MCCC1: variants seen among roughly 807,000 people sequenced by gnomAD.
MCCC1 encodes methylcrotonoyl-CoA carboxylase subunit alpha, mitochondrial.
MCCC1 carries 64 observed loss-of-function variants against 83.8 expected under a neutral mutation model. That is an observed-to-expected ratio of 0.76 (90% CI 0.62 to 0.94). The LOEUF (loss-of-function observed/expected upper bound fraction) is 0.94, where lower values mean the gene tolerates loss of function less well. Ranked by LOEUF, MCCC1 falls within the 40% of genes least tolerant of loss-of-function variation. The pLI, the probability that MCCC1 is intolerant of heterozygous loss-of-function variation, is 0.00. For synonymous variants in MCCC1, 322 were observed against 315.4 expected, an observed-to-expected ratio of 1.02 and a Z score of -0.22; for missense variants, 807 against 904.7, an observed-to-expected ratio of 0.89 and a Z score of 1.39.
At chr3:183,102,472 A>G (rs1560294496), upstream of MCCC1, among the ~76,000 whole-genome samples, 1 of 152,208 alleles carries the variant, frequency 6.6e-6, no homozygotes, top group Non-Finnish European at 1.5e-5. Flanking sequence ...TTCACTATTA[A>G]GAAATCAATT....
At chr3:183,097,506 C>T (rs973135756) in intron 1 of MCCC1, among the ~76,000 whole-genome samples, 3 of 152,214 alleles carry the variant, frequency 2.0e-5, no homozygotes, top group Non-Finnish European at 4.4e-5. Flanking sequence ...CGTCCTCGCC[C>T]TCCTCATCCT....
intron 10 of MCCC1, among the ~76,000 whole-genome samples, chr3:183,042,988 C>T (rs973719484): frequency 1.3e-5 from 2 of 152,154 alleles, no homozygotes; most frequent in East Asian, 3.9e-4. Flanking sequence ...AGTTTTTTAA[C>T]GTTTTAATAA....
At chr3:183,049,588 A>T (rs1160242722) in intron 9 of MCCC1, among the ~76,000 whole-genome samples, 1 of 151,872 alleles carries the variant, frequency 6.6e-6, no homozygotes, top group Non-Finnish European at 1.5e-5. Context: ...AAAAAAAGAA[A>T]AAAGAAAAGA....
intron 2 of MCCC1, among the ~76,000 whole-genome samples, chr3:183,093,154 G>A (rs969256653): frequency 1.3e-5 from 2 of 152,020 alleles, no homozygotes; most frequent in African/African-American, 2.4e-5. Context: ...TTGGCCTCCC[G>A]AAGTGCTGGG....
intron 3 of MCCC1, among the ~76,000 whole-genome samples, chr3:183,088,464 C>CG (rs980162929): frequency 5.3e-5 from 8 of 152,154 alleles, no homozygotes; most frequent in African/African-American, 1.9e-4. Context: ...GCCTGGGCCT[C>CG]TCAAAGTGCT....
chr3:183,084,923 T>C (rs574273289), intron 4 of MCCC1, among the ~76,000 whole-genome samples: 17 of 152,202 alleles, frequency 1.1e-4, no homozygotes, highest in African/African-American at 3.9e-4. Context: ...TTGAGGACTA[T>C]GTACAAGCTC....
intron 2 of MCCC1, 73 bp downstream of exon 2, chr3:183,094,486 A>ATTAAACATTTCCCTTTC (rs1195994382): frequency 7.1e-7 from 1 of 1,417,442 alleles, no homozygotes; most frequent in African/African-American, 1.4e-5. Context: ...ATATTAAGGG[A>ATTAAACATTTCCCTTTC]TTAAACATTT....
chr3:183,098,293 TC>T (rs1228695116), intron 1 of MCCC1, among the ~76,000 whole-genome samples: 1 of 152,260 alleles, frequency 6.6e-6, no homozygotes, highest in African/African-American at 2.4e-5. Flanking sequence ...AAAAAGGGCA[TC>T]TACAATATTT....
At chr3:183,094,642 G>C (rs371015665) in intron 1 of MCCC1, 37 bp from the exon 2 acceptor site, 1 of 1,584,586 alleles carries the variant, frequency 6.3e-7, no homozygotes, top group Non-Finnish European at 8.7e-7. Context: ...CAATTAAACA[G>C]AATAGGCAAC....
intron 9 of MCCC1, among the ~76,000 whole-genome samples, chr3:183,048,976 TAAAC>T (rs1455267462): frequency 6.6e-6 from 1 of 152,188 alleles, no homozygotes; most frequent in Non-Finnish European, 1.5e-5. Context: ...ATTTGGATGT[TAAAC>T]AACACACTTC....
chr3:183,112,389 T>C (rs1719513002), intron 1 of MCCC1, among the ~76,000 whole-genome samples: 1 of 152,168 alleles, frequency 6.6e-6, no homozygotes, highest in South Asian at 2.1e-4. Context: ...GCTCTACCAT[T>C]TTCAGCAAGT....
chr3:183,019,582 G>A (rs1424147649), intron 17 of MCCC1, among the ~76,000 whole-genome samples: 3 of 152,246 alleles, frequency 2.0e-5, no homozygotes, highest in East Asian at 3.9e-4. Context: ...CTCTAGAATC[G>A]TGAGAAATAA....
At chr3:183,025,156 G>A (rs999747722) in intron 15 of MCCC1, among the ~76,000 whole-genome samples, 2 of 152,198 alleles carry the variant, frequency 1.3e-5, no homozygotes, top group Non-Finnish European at 1.5e-5. Context: ...AAGAAGGAAC[G>A]GAGTGTTAAC....
rs530323937 is a variant in MCCC1 at position 183,066,363 on chromosome 3, G to A, written c.761+4636C>T. On this transcript the variant is annotated intron_variant, in intron 7 of 18. Transcript: ENST00000265594. Reference sequence around the variant, plus strand: ...TCTGTCGCCCAAGCTGGAGTGCAGTGGCACAATCTCAGTTCACTGCAACCT... The same window carrying A: ...TCTGTCGCCCAAGCTGGAGTGCAGTAGCACAATCTCAGTTCACTGCAACCT... 6.6e-5 allele frequency among the ~76,000 whole-genome samples: 10 copies of A among 152,280 alleles called. No individual in the cohort carries two copies. The South Asian group carries it at 1.9e-3, about 28-fold the overall frequency.
chr3:183,109,191 C>A (rs2108585837), intron 1 of MCCC1, among the ~76,000 whole-genome samples: 1 of 152,170 alleles, frequency 6.6e-6, no homozygotes, highest in Middle Eastern at 3.4e-3. Flanking sequence ...GGGGTTTCAC[C>A]ATGTTGCCCA....
intron 8 of MCCC1, among the ~76,000 whole-genome samples, chr3:183,054,261 C>T (rs1490582793): frequency 1.3e-5 from 2 of 150,400 alleles, no homozygotes; most frequent in Non-Finnish European, 3.0e-5. Flanking sequence ...TCTCGGCTCA[C>T]TGCAAGCTCC....
rs57347018 is a variant in MCCC1, at chr3:183,099,310, C to T, written c.89+42G>A. ...CGCTCACGCGGGTCCGTGCACCCCTCGCTCCCGCCTCTGCCCACTGAGCCA... is the reference window on the plus strand; with the variant it reads ...CGCTCACGCGGGTCCGTGCACCCCTTGCTCCCGCCTCTGCCCACTGAGCCA... On this transcript the variant is annotated intron_variant, in intron 1 of 18. Transcript: ENST00000265594. The T allele has an allele frequency of 6.6e-3, 10,223 of 1,554,488 alleles. 602 individuals carry two copies. In the African/African-American group the frequency reaches 0.12, roughly 19 times the overall value.
intron 13 of MCCC1, among the ~76,000 whole-genome samples, chr3:183,034,282 C>T (rs1403222747): frequency 1.3e-5 from 2 of 152,136 alleles, no homozygotes; most frequent in Middle Eastern, 3.4e-3. Context: ...AACCCCGTCT[C>T]TACTAAAAAT....
chr3:183,015,998 A>C (rs1577227816), intron 18 of MCCC1, among the ~76,000 whole-genome samples: 1 of 145,240 alleles, frequency 6.9e-6, no homozygotes, highest in South Asian at 2.2e-4. Context: ...GCATGGTCTC[A>C]GCTCACTGTA....
Sources: gnomAD v4.1 joint callset for allele counts (sites outside exome capture counted in the v4.1 genomes callset) on GRCh38, gnomAD v4.1.1 for gene constraint, MANE v1.5 for transcripts, NCBI Gene and HGNC (gene_info 2026-07-23, HGNC 2026-07-21) for gene names.